VTI1A: variants seen among roughly 807,000 people sequenced by gnomAD.
VTI1A encodes the protein vesicle transport through interaction with t-SNAREs 1A, also known as vesicle transport through interaction with t-SNAREs homolog 1A.
Under a neutral mutation model 34.9 loss-of-function variants are expected in VTI1A, and 22 were observed. The ratio of observed to expected loss-of-function variants is 0.63; its 90% CI spans 0.45 to 0.90. The LOEUF is 0.90. Ranked by LOEUF, VTI1A falls within the 40% of genes least tolerant of loss-of-function variation. The probability of loss-of-function intolerance (pLI) is 0.00; values close to 1 mark genes in which losing one functional copy is unlikely to be tolerated. For missense variants in VTI1A, 268 were observed against 275.6 expected, an observed-to-expected ratio of 0.97 and a Z score of 0.20; for synonymous variants, 87 against 97.3, an observed-to-expected ratio of 0.89 and a Z score of 0.62.
At chr10:112,614,033 A>ATT (rs1254170323) in intron 5 of VTI1A, among the ~76,000 whole-genome samples, 1 of 151,820 alleles carries the variant, frequency 6.6e-6, no homozygotes, top group African/African-American at 2.4e-5. Flanking sequence ...ATATGTTCAT[A>ATT]TTTTTTTCAA....
intron 7 of VTI1A, among the ~76,000 whole-genome samples, chr10:112,702,695 C>T (rs570276281): frequency 6.6e-6 from 1 of 152,322 alleles, no homozygotes; most frequent in Non-Finnish European, 1.5e-5. Flanking sequence ...AAGCAATTCT[C>T]ATGCCTCAGC....
At chr10:112,499,044 G>A (rs1849128416) in intron 3 of VTI1A, among the ~76,000 whole-genome samples, 1 of 152,140 alleles carries the variant, frequency 6.6e-6, no homozygotes, top group African/African-American at 2.4e-5. Flanking sequence ...CAGGCTTTGG[G>A]AAAAGTTGCC....
chr10:112,586,824 A>G (rs1325335321), intron 5 of VTI1A, among the ~76,000 whole-genome samples: 3 of 152,286 alleles, frequency 2.0e-5, no homozygotes, highest in East Asian at 1.9e-4. Flanking sequence ...TGCACATCCT[A>G]TTATTATAGC....
At chr10:112,708,933 C>G (rs1849298366) in intron 7 of VTI1A, among the ~76,000 whole-genome samples, 1 of 152,250 alleles carries the variant, frequency 6.6e-6, no homozygotes, top group Admixed American at 6.5e-5. Context: ...TACTTGGTTT[C>G]TGGGTGGAAA....
In VTI1A at chr10:112,487,218, G is replaced by A. The variant is rs374483408; in HGVS notation, c.264+22561G>A. Among the ~76,000 whole-genome samples the A allele has an allele frequency of 3.6e-4, 55 of 152,128 alleles. 1 individual carries two copies. The highest frequency in any genetic ancestry group is 1.1e-3 in the African/African-American group (45 of 41,492). On this transcript the variant is annotated intron_variant, in intron 3 of 7. Transcript: ENST00000393077. ...GCCTCACTGCAGCCTCCATCTCCCC[G>A]GTTCGAGTGATTCTCCTGCCTCAGC...
rs139014656 is a variant in VTI1A at position 112,606,086 on chromosome 10, G to C, written c.428-62132G>C. 8.0e-5 allele frequency among the ~76,000 whole-genome samples: 12 copies of C among 150,176 alleles called. No individual in the cohort carries two copies. The South Asian group carries it at 2.5e-3, about 31-fold the overall frequency. ...GTTGCCCAGGCTGGAGTGCAATGGC[G>C]TGATCTCGGCTCACCACAACCTCCT... On this transcript the variant is annotated intron_variant, in intron 5 of 7. Coordinates refer to ENST00000393077, the MANE Select transcript of VTI1A (RefSeq NM_145206.4).
chr10:112,743,261 A>T (rs1850760625), intron 7 of VTI1A, among the ~76,000 whole-genome samples: 2 of 152,326 alleles, frequency 1.3e-5, no homozygotes, highest in Middle Eastern at 6.8e-3. Context: ...CAGACCCATT[A>T]TAAATCGTCT....
At chr10:112,689,102 G>A (rs7099862) in intron 7 of VTI1A, among the ~76,000 whole-genome samples, 127,789 of 152,108 alleles carry the variant, frequency 0.84, 53,825 homozygotes, top group East Asian at 1. Context: ...CCACTTGCAT[G>A]TATTAATTTT....
chr10:112,689,537 AAGG>A (rs1262101766), intron 7 of VTI1A, among the ~76,000 whole-genome samples: 5 of 152,138 alleles, frequency 3.3e-5, no homozygotes, highest in Admixed American at 2.0e-4. Flanking sequence ...GTATGTGATG[AAGG>A]AGGACAGAGA....
At chr10:112,469,913 G>A (rs1455344659) in intron 3 of VTI1A, among the ~76,000 whole-genome samples, 1 of 152,238 alleles carries the variant, frequency 6.6e-6, no homozygotes, top group African/African-American at 2.4e-5. Flanking sequence ...TAACTCCAGT[G>A]TCTGCCTCCT....
At chr10:112,662,921 T>TAACAAACA (rs1847512049) in intron 5 of VTI1A, among the ~76,000 whole-genome samples, 1 of 88,152 alleles carries the variant, frequency 1.1e-5, no homozygotes, top group Non-Finnish European at 2.4e-5. Flanking sequence ...ATGCTTCTTC[T>TAACAAACA]TACAAACAAA....
intron 3 of VTI1A, among the ~76,000 whole-genome samples, chr10:112,472,981 GAA>G (rs10660196): frequency 2.0e-5 from 3 of 148,282 alleles, no homozygotes; most frequent in African/African-American, 5.0e-5. Flanking sequence ...GAGTAAAAAA[GAA>G]AAAAAAAATC....
intron 7 of VTI1A, among the ~76,000 whole-genome samples, chr10:112,801,002 GA>G (rs767543098): frequency 6.6e-6 from 1 of 152,204 alleles, no homozygotes; most frequent in Non-Finnish European, 1.5e-5. Context: ...ACCTCCACGT[GA>G]ATGTAGTATG....
intron 7 of VTI1A, among the ~76,000 whole-genome samples, chr10:112,686,000 A>T (rs1848395717): frequency 6.6e-6 from 1 of 152,202 alleles, no homozygotes; most frequent in Non-Finnish European, 1.5e-5. Context: ...ATGATGCCAT[A>T]CCTTCTCTAT....
At chr10:112,770,288 G>A (rs1328894561) in intron 7 of VTI1A, among the ~76,000 whole-genome samples, 1 of 152,140 alleles carries the variant, frequency 6.6e-6, no homozygotes, top group African/African-American at 2.4e-5. Context: ...CATACTGTAT[G>A]AAAGTGTTAA....
chr10:112,519,784 T>G (rs1005833380), intron 3 of VTI1A, among the ~76,000 whole-genome samples: 1 of 152,084 alleles, frequency 6.6e-6, no homozygotes, highest in Non-Finnish European at 1.5e-5. Flanking sequence ...CTGATCTAGA[T>G]GAAACCTCAT....
chr10:112,648,894 A>G (rs997404944), intron 5 of VTI1A, among the ~76,000 whole-genome samples: 4 of 152,200 alleles, frequency 2.6e-5, no homozygotes, highest in African/African-American at 4.8e-5. Context: ...GGTAAAATAT[A>G]TATCTATTAA....
intron 7 of VTI1A, among the ~76,000 whole-genome samples, chr10:112,802,204 A>T (rs967139498): frequency 1.5e-4 from 23 of 152,160 alleles, no homozygotes; most frequent in African/African-American, 5.3e-4. Context: ...GTGCCATGGC[A>T]CTCCAGCCTG....
chr10:112,707,602 G>A (rs1483218050), intron 7 of VTI1A, among the ~76,000 whole-genome samples: 1 of 152,198 alleles, frequency 6.6e-6, no homozygotes, highest in African/African-American at 2.4e-5. Flanking sequence ...AAAGTGCTGG[G>A]ATTACAGGCT....
Sources: gnomAD v4.1 joint callset for allele counts (sites outside exome capture counted in the v4.1 genomes callset) on GRCh38, gnomAD v4.1.1 for gene constraint, MANE v1.5 for transcripts, NCBI Gene and HGNC (gene_info 2026-07-23, HGNC 2026-07-21) for gene names.